The following SCFD2 variants were observed in gnomAD, a reference collection of about 807,000 sequenced individuals.
SCFD2 encodes sec1 family domain-containing protein 2.
In SCFD2, 54 loss-of-function variants were observed where a neutral mutation model predicts 58.9. The ratio of observed to expected loss-of-function variants is 0.92; its 90% confidence interval spans 0.74 to 1.15. The LOEUF is 1.15. SCFD2 is among the 50% of genes most tolerant of loss of function. SCFD2 has a pLI of 0.00. For missense variants in SCFD2, 805 were observed against 836.6 expected (o/e 0.96, Z 0.47); for synonymous variants, 321 against 335.9 (o/e 0.96, Z 0.49).
intron 5 of SCFD2, among the ~76,000 whole-genome samples, chr4:52,953,582 C>T (rs1356290178): frequency 3.3e-5 from 5 of 152,164 alleles, no homozygotes; most frequent in African/African-American, 1.2e-4. Context: ...CCTGTGAATT[C>T]AGTTTCCTTA....
At chr4:53,225,132 CT>C (rs1313652481) in intron 4 of SCFD2, among the ~76,000 whole-genome samples, 9 of 152,038 alleles carry the variant, frequency 5.9e-5, no homozygotes, top group African/African-American at 1.7e-4. Flanking sequence ...TGATTATATT[CT>C]TAATTATCTT....
In SCFD2 at chr4:53,145,479, A is replaced by T. The variant is rs780904985; in HGVS notation, c.1415T>A (p.Leu472Gln). Residue 472 changes from leucine (L) to glutamine (Q), a missense_variant, in exon 5 of 9, where the codon CTG becomes CAG. By Grantham distance (113) the Leu-to-Gln change is moderately radical. Around this residue, in one of 3 missense-constraint regions of SCFD2, gnomAD observed 633 missense variants for 646.8 expected, o/e 0.98. Transcript: ENST00000401642. ...AGAATAAATATATATGAGAAGGATC[A>T]GCAGTTCCTCAGGGCTGTAGTCCTC... ...TNEDYSPEELLILLIYIYSVT... is the reference protein window; with the variant it reads ...TNEDYSPEELQILLIYIYSVT... 1 of 1,614,190 alleles carries T rather than the reference A, an allele frequency of 6.2e-7. No individual in the cohort carries two copies. Among genetic ancestry groups the T allele is most frequent in the Admixed American group, 1.7e-5 (1 of 60,018 alleles).
At chr4:53,011,806 T>C (rs1445141568) in intron 5 of SCFD2, among the ~76,000 whole-genome samples, 1 of 152,200 alleles carries the variant, frequency 6.6e-6, no homozygotes, top group Non-Finnish European at 1.5e-5. Flanking sequence ...TGACAACCTG[T>C]GGCCTGGAAT....
intron 4 of SCFD2, among the ~76,000 whole-genome samples, chr4:53,157,471 T>G (rs946357224): frequency 3.3e-5 from 5 of 152,216 alleles, no homozygotes; most frequent in African/African-American, 1.2e-4. Flanking sequence ...TATGTCTGCA[T>G]GAGGCTTGAT....
At chr4:53,239,287 C>T (rs1729805990) in intron 4 of SCFD2, among the ~76,000 whole-genome samples, 2 of 151,756 alleles carry the variant, frequency 1.3e-5, no homozygotes, top group South Asian at 2.1e-4. Context: ...TGCAGTGAGC[C>T]GAGATGGCAG....
intron 4 of SCFD2, among the ~76,000 whole-genome samples, chr4:53,176,869 A>G (rs1017263332): frequency 6.6e-6 from 1 of 151,348 alleles, no homozygotes; most frequent in Non-Finnish European, 1.5e-5. Context: ...GAATCACTTG[A>G]ACCCGGGAGG....
At chr4:53,141,846 C>G (rs961769791) in intron 5 of SCFD2, among the ~76,000 whole-genome samples, 1 of 152,046 alleles carries the variant, frequency 6.6e-6, no homozygotes, top group Non-Finnish European at 1.5e-5. Flanking sequence ...AAGTCTGTCC[C>G]AGCTCTCAGA....
chr4:53,234,541 T>G (rs1400602524), intron 4 of SCFD2, among the ~76,000 whole-genome samples: 1 of 152,222 alleles, frequency 6.6e-6, no homozygotes, highest in Non-Finnish European at 1.5e-5. Flanking sequence ...AGCCAACATG[T>G]TAGGCAGCTC....
rs189184608 is a variant in SCFD2 at position 53,298,690 on chromosome 4, C to T, written c.1135+14946G>A. Among the ~76,000 whole-genome samples, 576 of 152,244 alleles carry T rather than the reference C, an allele frequency of 3.8e-3. 2 individuals carry two copies. Among genetic ancestry groups the T allele is most frequent in the African/African-American group, 0.013 (549 of 41,552 alleles). The stretch of plus-strand genomic sequence containing the variant: ...CCCCGAGTAGCCTAACTGGGAGGCA[C>T]CCCCCAGTAGCGGTGAACTGACACC... On this transcript the variant is annotated intron_variant, in intron 3 of 8. Transcript: ENST00000401642.
chr4:52,919,918 G>A (rs1353644617), intron 6 of SCFD2, among the ~76,000 whole-genome samples: 1 of 152,172 alleles, frequency 6.6e-6, no homozygotes, highest in Non-Finnish European at 1.5e-5. Context: ...TTAACAAATA[G>A]AGTTTATTTT....
At chr4:53,009,667 CAT>C (rs2148806236) in intron 5 of SCFD2, among the ~76,000 whole-genome samples, 1 of 152,324 alleles carries the variant, frequency 6.6e-6, no homozygotes, top group East Asian at 1.9e-4. Flanking sequence ...TATAGACACA[CAT>C]AGTCTCAACC....
intron 5 of SCFD2, among the ~76,000 whole-genome samples, chr4:53,095,836 C>T (rs62339001): frequency 0.16 from 24,846 of 151,882 alleles, 2,448 homozygotes; most frequent in Middle Eastern, 0.26. Context: ...TCGTCATTTA[C>T]ATTAGGTATA....
intron 5 of SCFD2, among the ~76,000 whole-genome samples, chr4:52,952,224 TCCCCATCCCCTCTCACAG>T (rs976927273): frequency 4.1e-5 from 6 of 144,782 alleles, no homozygotes; most frequent in East Asian, 2.0e-4. Flanking sequence ...CCCTCTCACC[TCCCCATCCCCTCTCACAG>T]CCCCATCCCC....
intron 4 of SCFD2, among the ~76,000 whole-genome samples, chr4:53,216,373 G>C (rs980363317): frequency 3.9e-5 from 6 of 152,082 alleles, no homozygotes; most frequent in Non-Finnish European, 7.4e-5. Context: ...GTTTAGTCTT[G>C]GGAGGGTGTA....
chr4:53,074,889 G>A (rs534149495), intron 5 of SCFD2, among the ~76,000 whole-genome samples: 4 of 152,202 alleles, frequency 2.6e-5, no homozygotes, highest in South Asian at 2.1e-4. Context: ...AATGGTAAAC[G>A]AGCATTTGCT....
chr4:53,161,171 C>T (rs185418791), intron 4 of SCFD2, among the ~76,000 whole-genome samples: 3 of 152,198 alleles, frequency 2.0e-5, no homozygotes, highest in Admixed American at 6.5e-5. Flanking sequence ...CGGGAGAGAG[C>T]AAAAGAGGGG....
chr4:53,175,336 A>G (rs1196805763), intron 4 of SCFD2, among the ~76,000 whole-genome samples: 1 of 152,192 alleles, frequency 6.6e-6, no homozygotes, highest in Non-Finnish European at 1.5e-5. Context: ...TTCACTTGAG[A>G]CAAATTGTAA....
At chr4:53,357,691 TAA>T (rs955687009) in intron 1 of SCFD2, among the ~76,000 whole-genome samples, 1 of 152,140 alleles carries the variant, frequency 6.6e-6, no homozygotes, top group Non-Finnish European at 1.5e-5. Context: ...AATAAAGATA[TAA>T]GTTAGTTAGT....
chr4:53,221,241 T>C (rs145698527), intron 4 of SCFD2, among the ~76,000 whole-genome samples: 1 of 152,308 alleles, frequency 6.6e-6, no homozygotes, highest in East Asian at 1.9e-4. Context: ...TAAGATAATG[T>C]TGATCATTAC....
Sources: allele counts gnomAD v4.1 joint callset (sites outside exome capture counted in the v4.1 genomes callset), GRCh38; gene constraint gnomAD v4.1.1; regional missense constraint gnomAD v4.1.1; transcripts MANE v1.5; gene names NCBI Gene and HGNC (gene_info 2026-07-23, HGNC 2026-07-21).